CENPK: variants seen among roughly 807,000 people sequenced by gnomAD.
CENPK encodes centromere protein K, also known as SoxLZ/Sox6-binding protein Solt.
CENPK carries 46 observed loss-of-function variants against 40.9 expected under a neutral mutation model. That is an observed-to-expected ratio of 1.13 (90% CI 0.89 to 1.44). CENPK has a LOEUF of 1.44. Among genes scored for constraint, CENPK ranks in the 40% most tolerant of loss-of-function variants. The pLI is 0.00. For synonymous variants in CENPK, 107 were observed against 104.4 expected (o/e 1.02, Z -0.15); for missense variants, 288 against 303.5 (o/e 0.95, Z 0.38).
intron 5 of CENPK, among the ~76,000 whole-genome samples, chr5:65,549,836 T>C (rs1270123316): frequency 6.6e-6 from 1 of 152,212 alleles, no homozygotes; most frequent in Non-Finnish European, 1.5e-5. Flanking sequence ...ACTTTCTCTA[T>C]AACAGCAATA....
intron 6 of CENPK, among the ~76,000 whole-genome samples, chr5:65,542,408 G>A (rs1455953293): frequency 6.6e-6 from 1 of 152,180 alleles, no homozygotes; most frequent in African/African-American, 2.4e-5. Flanking sequence ...GGAGACTGAG[G>A]CGGGCAGATC....
At chr5:65,551,526 G>A in intron 5 of CENPK, 38 bp downstream of exon 5, 1 of 1,121,452 alleles carries the variant, frequency 8.9e-7, no homozygotes, top group Non-Finnish European at 1.3e-6. Context: ...GCTATTAATA[G>A]GTTTACAAAA....
At chr5:65,521,050 C>T (rs755382411) in intron 10 of CENPK, among the ~76,000 whole-genome samples, 1 of 152,002 alleles carries the variant, frequency 6.6e-6, no homozygotes, top group Non-Finnish European at 1.5e-5. Context: ...ATTTCTACAA[C>T]TTTGTGGAAA....
chr5:65,551,249 CAA>C (rs58442174), intron 5 of CENPK: 4,070 of 110,610 alleles, frequency 0.037, no homozygotes, highest in Middle Eastern at 0.097. Context: ...GACCCTGTCT[CAA>C]AAAAAAAAAA....
the CENPK span, among the ~76,000 whole-genome samples, chr5:65,506,516 G>A: frequency 2.6e-5 from 4 of 152,142 alleles, no homozygotes; most frequent in African/African-American, 9.7e-5. Context: ...GGGCATGGTG[G>A]CTCACACCTG....
intron 6 of CENPK, among the ~76,000 whole-genome samples, chr5:65,537,434 A>G (rs1747122447): frequency 6.6e-6 from 1 of 152,096 alleles, no homozygotes; most frequent in Admixed American, 6.6e-5. Flanking sequence ...CCTCCCAAGT[A>G]GGTGGGACTA....
intron 6 of CENPK, among the ~76,000 whole-genome samples, chr5:65,537,910 T>C (rs1290672634): frequency 5.3e-5 from 8 of 152,206 alleles, no homozygotes; most frequent in Non-Finnish European, 1.2e-4. Flanking sequence ...TACATACATG[T>C]TTTCATTCCT....
intron 9 of CENPK, among the ~76,000 whole-genome samples, chr5:65,527,498 CAT>C (rs70983674): frequency 3.9e-4 from 36 of 91,594 alleles, no homozygotes; most frequent in East Asian, 1.2e-3. Flanking sequence ...TTATTAACAC[CAT>C]ATATATATAT....
intron 6 of CENPK, among the ~76,000 whole-genome samples, chr5:65,541,981 C>G (rs1021098887): frequency 6.6e-6 from 1 of 152,168 alleles, no homozygotes; most frequent in African/African-American, 2.4e-5. Flanking sequence ...GAGGGCTCAC[C>G]TCTTCACAGA....
At chr5:65,497,308 C>A in the CENPK span, among the ~76,000 whole-genome samples, 10 of 151,156 alleles carry the variant, frequency 6.6e-5, no homozygotes, top group Non-Finnish European at 1.3e-4. Flanking sequence ...ATGGAGGTTG[C>A]AGTGAGCCAA....
At chr5:65,499,016 T>C in the CENPK span, among the ~76,000 whole-genome samples, 1 of 151,824 alleles carries the variant, frequency 6.6e-6, no homozygotes, top group Non-Finnish European at 1.5e-5. Flanking sequence ...ATTTCCTTTA[T>C]GTTTCAGGAC....
chr5:65,546,155 T>C (rs1253576775), intron 5 of CENPK, among the ~76,000 whole-genome samples: 1 of 152,252 alleles, frequency 6.6e-6, no homozygotes, highest in Admixed American at 6.5e-5. Context: ...GAAGTAAATC[T>C]GTGACAGTAG....
chr5:65,538,387 C>T (rs1747342669), intron 6 of CENPK, among the ~76,000 whole-genome samples: 1 of 152,066 alleles, frequency 6.6e-6, no homozygotes, highest in Non-Finnish European at 1.5e-5. Context: ...TGTGTGGCCA[C>T]CCTACTTTTT....
chr5:65,541,607 T>C (rs1747998684), intron 6 of CENPK, among the ~76,000 whole-genome samples: 1 of 152,220 alleles, frequency 6.6e-6, no homozygotes, highest in Non-Finnish European at 1.5e-5. Context: ...TGGCCAATAC[T>C]GTGCATATTT....
intron 6 of CENPK, among the ~76,000 whole-genome samples, chr5:65,532,909 C>CAAAA (rs1746108524): frequency 7.5e-4 from 2 of 2,658 alleles, no homozygotes; most frequent in African/African-American, 9.9e-4. Flanking sequence ...AACTCCATCT[C>CAAAA]CAAAAAAAAA....
intron 6 of CENPK, 115 bp from the exon 7 acceptor site, chr5:65,529,314 A>G: frequency 1.5e-6 from 1 of 670,644 alleles, no homozygotes; most frequent in Non-Finnish European, 2.5e-6. Flanking sequence ...TCAGTAGTGA[A>G]AAAGCCTAGC....
chr5:65,523,370 T>A (rs1397473633), intron 9 of CENPK, among the ~76,000 whole-genome samples: 1 of 152,216 alleles, frequency 6.6e-6, no homozygotes, highest in Admixed American at 6.5e-5. Flanking sequence ...AATTATAAAG[T>A]TGCCTACTAC....
Position 65,555,851 on chromosome 5 carries a change from C to T in CENPK, c.-39-905G>A, listed in dbSNP as rs151270802. Among the ~76,000 whole-genome samples, 406 of 152,300 alleles carry T rather than the reference C, an allele frequency of 2.7e-3. 4 individuals carry two copies. The highest frequency in any genetic ancestry group is 8.9e-3 in the African/African-American group (371 of 41,558). ...GATTAAAAACTCAGTTTAGGATATG[C>T]TACATTTGAGGTGTCAATTATTGGA... On this transcript the variant is annotated intron_variant, in intron 2 of 10. Coordinates refer to ENST00000396679, the MANE Select transcript of CENPK (RefSeq NM_022145.5).
chr5:65,522,022 A>T (rs2150344910), intron 9 of CENPK, among the ~76,000 whole-genome samples: 1 of 152,366 alleles, frequency 6.6e-6, no homozygotes, highest in East Asian at 1.9e-4. Flanking sequence ...GATTCATAAA[A>T]ATGCAGTTGA....
Sources: allele counts gnomAD v4.1 joint callset (sites outside exome capture counted in the v4.1 genomes callset), GRCh38; gene constraint gnomAD v4.1.1; transcripts MANE v1.5; gene names NCBI Gene and HGNC (gene_info 2026-07-23, HGNC 2026-07-21).